FGF12: variants seen among roughly 807,000 people sequenced by gnomAD.
FGF12 encodes the protein fibroblast growth factor 12.
FGF12 carries 14 observed loss-of-function variants against 23.6 expected under a neutral mutation model. The observed-to-expected ratio is 0.59, with a 90% CI of 0.39 to 0.93. FGF12 has a LOEUF of 0.93. FGF12 is among the 40% of genes least tolerant of loss of function. FGF12 has a pLI of 0.00. For synonymous variants in FGF12, 62 were observed against 77.3 expected (o/e 0.80, Z 1.04); for missense variants, 175 against 217.8 (o/e 0.80, Z 1.24).
intron 2 of FGF12, among the ~76,000 whole-genome samples, chr3:192,429,434 T>C (rs1486932113): frequency 1.3e-5 from 2 of 152,170 alleles, no homozygotes; most frequent in Non-Finnish European, 2.9e-5. Context: ...CCAACATTTT[T>C]CTCTTATTTC....
intron 2 of FGF12, among the ~76,000 whole-genome samples, chr3:192,714,636 A>G (rs938878220): frequency 2.7e-5 from 4 of 146,168 alleles, no homozygotes; most frequent in African/African-American, 1.0e-4. Flanking sequence ...CTCCTGCCTC[A>G]GCCTCCCGAG....
At chr3:192,391,894 G>A (rs1423415137) in intron 2 of FGF12, among the ~76,000 whole-genome samples, 1 of 152,196 alleles carries the variant, frequency 6.6e-6, no homozygotes, top group African/African-American at 2.4e-5. Context: ...GACTTAGATT[G>A]GAGACGGTAA....
At chr3:192,396,813 G>C (rs913529409) in intron 2 of FGF12, among the ~76,000 whole-genome samples, 1 of 152,166 alleles carries the variant, frequency 6.6e-6, no homozygotes, top group Non-Finnish European at 1.5e-5. Flanking sequence ...CCTAACAGGT[G>C]TCTGCATAAT....
intron 2 of FGF12, among the ~76,000 whole-genome samples, chr3:192,695,214 G>A (rs1718076495): frequency 6.6e-6 from 1 of 152,070 alleles, no homozygotes; most frequent in African/African-American, 2.4e-5. Context: ...CACATTATTT[G>A]CTATTCCAAA....
intron 2 of FGF12, among the ~76,000 whole-genome samples, chr3:192,630,502 G>A (rs889124219): frequency 1.9e-4 from 28 of 149,998 alleles, no homozygotes; most frequent in Non-Finnish European, 3.8e-4. Flanking sequence ...ACTCTTCCAC[G>A]CTTCCTGTGC....
chr3:192,448,576 G>A (rs113133702), intron 2 of FGF12, among the ~76,000 whole-genome samples: 2 of 152,150 alleles, frequency 1.3e-5, no homozygotes, highest in African/African-American at 4.8e-5. Context: ...AGTATACTAG[G>A]CTTGAGTGAT....
At chr3:192,159,772 T>G (rs941877286) in intron 5 of FGF12, among the ~76,000 whole-genome samples, 3 of 152,114 alleles carry the variant, frequency 2.0e-5, no homozygotes, top group African/African-American at 7.3e-5. Flanking sequence ...GATTTGCTAT[T>G]GGTATCCTGA....
chr3:192,513,726 C>T (rs1457909740), intron 2 of FGF12, among the ~76,000 whole-genome samples: 1 of 152,098 alleles, frequency 6.6e-6, no homozygotes. Flanking sequence ...ACGTATATTT[C>T]TTGGCAAAAA....
chr3:192,693,991 T>C, intron 2 of FGF12, among the ~76,000 whole-genome samples: 1 of 152,142 alleles, frequency 6.6e-6, no homozygotes, highest in East Asian at 1.9e-4. Flanking sequence ...GAGAAAATAT[T>C]TGTGAACCAT....
intron 2 of FGF12, among the ~76,000 whole-genome samples, chr3:192,532,707 A>G (rs963305684): frequency 6.6e-6 from 1 of 152,034 alleles, no homozygotes; most frequent in African/African-American, 2.4e-5. Flanking sequence ...TAATTTCTCA[A>G]TTTTCTTAAC....
chr3:192,424,656 A>G (rs1721638905), intron 2 of FGF12, among the ~76,000 whole-genome samples: 1 of 152,174 alleles, frequency 6.6e-6, no homozygotes, highest in South Asian at 2.1e-4. Context: ...TCATGAAGAT[A>G]TGAATTTGCC....
At chr3:192,448,551 T>A (rs1722429362) in intron 2 of FGF12, among the ~76,000 whole-genome samples, 1 of 152,184 alleles carries the variant, frequency 6.6e-6, no homozygotes, top group African/African-American at 2.4e-5. Context: ...TTTGCCCAAG[T>A]GACGGCACTT....
Position 192,409,903 on chromosome 3 carries a change from CCCGCCGCCGCG to C in FGF12, c.14-49376_14-49366del, listed in dbSNP as rs1721136310. ...AGAGCCGCGGGCTTGCGGGGCGCCCCCCGCCGCCGCGCCGCCGCCTCCCCAGGCCCGGGAGG... is the reference window on the plus strand; with the variant it reads ...AGAGCCGCGGGCTTGCGGGGCGCCCCCCGCCGCCTCCCCAGGCCCGGGAGG... On this transcript the variant is annotated intron_variant, in intron 2 of 5. Transcript: ENST00000445105. The surrounding 1 kb of genome is among the most constrained non-coding windows in gnomAD (Gnocchi z 4.8). Among the ~76,000 whole-genome samples the C allele has an allele frequency of 6.6e-6, 1 of 151,882 alleles. No homozygotes were observed. Among genetic ancestry groups the C allele is most frequent in the South Asian group, 2.1e-4 (1 of 4,824 alleles).
chr3:192,323,832 C>T (rs61666175), intron 4 of FGF12, among the ~76,000 whole-genome samples: 7,555 of 152,056 alleles, frequency 0.05, 547 homozygotes, highest in African/African-American at 0.16. Context: ...GGCTCATGCC[C>T]GTAATCTTAG....
intron 2 of FGF12, among the ~76,000 whole-genome samples, chr3:192,603,057 G>A (rs1001680300): frequency 6.6e-5 from 10 of 152,034 alleles, no homozygotes; most frequent in African/African-American, 2.4e-4. Flanking sequence ...GACCTTCTAT[G>A]ACAAATCTAT....
intron 2 of FGF12, among the ~76,000 whole-genome samples, chr3:192,511,253 A>ACACACACACC (rs1211816814): frequency 9.6e-4 from 137 of 143,078 alleles, no homozygotes; most frequent in African/African-American, 3.3e-3. Flanking sequence ...ACACACACAC[A>ACACACACACC]CCTGCTACTA....
chr3:192,598,220 C>T (rs545751340), intron 2 of FGF12, among the ~76,000 whole-genome samples: 1 of 152,294 alleles, frequency 6.6e-6, no homozygotes, highest in East Asian at 1.9e-4. Context: ...GAAAAGCTAA[C>T]ATGACACCAA....
chr3:192,670,946 C>A (rs1041969573), intron 2 of FGF12, among the ~76,000 whole-genome samples: 3 of 152,162 alleles, frequency 2.0e-5, no homozygotes, highest in Non-Finnish European at 4.4e-5. Flanking sequence ...GCGATCTGGG[C>A]TGAGCAGTAC....
intron 2 of FGF12, among the ~76,000 whole-genome samples, chr3:192,583,074 T>A (rs895809237): frequency 6.6e-6 from 1 of 152,242 alleles, no homozygotes; most frequent in Non-Finnish European, 1.5e-5. Context: ...ATCTCCTCCA[T>A]GAAGAGATCC....
Sources: gnomAD v4.1 joint callset for allele counts (sites outside exome capture counted in the v4.1 genomes callset) on GRCh38, gnomAD v4.1.1 for gene constraint, Gnocchi (gnomAD v3.1) non-coding constraint, MANE v1.5 for transcripts, NCBI Gene and HGNC (gene_info 2026-07-23, HGNC 2026-07-21) for gene names.